The following TNXB variants were observed in gnomAD, a reference collection of about 807,000 sequenced individuals.
TNXB encodes the protein tenascin XB.
TNXB carries 183 observed loss-of-function variants against 340.5 expected under a neutral mutation model. That is an observed-to-expected ratio of 0.54 (90% confidence interval 0.48 to 0.61). The LOEUF (loss-of-function observed/expected upper bound fraction) is 0.61. TNXB is among the 20% of genes least tolerant of loss of function. The pLI is 0.00. For missense variants in TNXB, 4,613 were observed against 5,446.4 expected (o/e 0.85, Z 4.82); for synonymous variants, 2,121 against 2,314.5 (o/e 0.92, Z 2.40).
rs779277019 is a variant in TNXB, at chr6:32,068,646, A to C, written c.5964T>G (p.Pro1988=). The part of the protein sequence containing the change: ...PTATPEPPIK[P]RLGELTVTDA... The stretch of plus-strand genomic sequence containing the variant: ...CTGTCACGGTCAGCTCCCCCAGGCG[A>C]GGCTTGATGGGGGGCTCGGGGGTTG... The change falls in exon 17 of 44, where the codon CCT becomes CCG. Residue 1988 remains proline, a synonymous_variant. Coordinates refer to ENST00000644971, the MANE Select transcript of TNXB (RefSeq NM_001365276.2). The surrounding 1 kb of genome is among the most constrained non-coding windows in gnomAD (Gnocchi z 5.3). 36 of 1,613,564 alleles carry C rather than the reference A, an allele frequency of 2.2e-5. No individual in the cohort carries two copies.
In TNXB at chr6:32,064,724, G is replaced by A; in HGVS notation, c.6841+97C>T. 2.0e-6 allele frequency: 3 copies of A among 1,481,790 alleles called. No individual in the cohort carries two copies. Among genetic ancestry groups the A allele is most frequent in the Non-Finnish European group, 2.7e-6 (3 of 1,112,944 alleles). 91.8% of individuals were successfully genotyped at this position (1,481,790 alleles called of 1,614,324 possible). On this transcript the variant is annotated intron_variant, in intron 19 of 43. Transcript: ENST00000644971. The surrounding 1 kb of genome is among the most constrained non-coding windows in gnomAD (Gnocchi z 5.3). ...CATTCCCAGGAGCTTGGGAGGCTTG[G>A]TCTCAGGGAAAGTAAAATAAAGCCA...
At position 32,096,566 on chromosome 6, in the gene TNXB, A is replaced by G. The variant is rs1450233420; in HGVS notation, c.1287T>C (p.Asp429=). The change falls in exon 3 of 44, where the codon GAT becomes GAC. Residue 429 remains aspartate, a synonymous_variant. Coordinates refer to ENST00000644971, the MANE Select transcript of TNXB (RefSeq NM_001365276.2). ...CVCWPGYTGT[D]CGSRACPRDC... is the part of the protein sequence containing the mutation. ...CGCGTGGGCAGGCGCGCGAGCCGCA[A>G]TCGGTTCCAGTGTACCCCGGCCAGC... 10 of 1,551,794 alleles carry G rather than the reference A, an allele frequency of 6.4e-6. No individual in the cohort carries two copies. The African/African-American group carries it at 1.0e-4, about 16-fold the overall frequency.
In TNXB at chr6:32,049,644, A is replaced by T; in HGVS notation, c.9440-57T>A. ...GGGGATGTCCTTGGGTCCTGGGGAAAAGGAGGGAGAAGCCAAGGCTATGAC... is the reference window on the plus strand; with the variant it reads ...GGGGATGTCCTTGGGTCCTGGGGAATAGGAGGGAGAAGCCAAGGCTATGAC... On this transcript the variant is annotated intron_variant, in intron 27 of 43. Transcript: ENST00000644971. This position sits in a 1 kb window ranked among gnomAD's most constrained non-coding sequence, Gnocchi z 4.5. 6.4e-7 allele frequency: 1 copy of T among 1,553,236 alleles called. No homozygotes were observed. The highest frequency in any genetic ancestry group is 8.7e-7 in the Non-Finnish European group (1 of 1,144,938).
At position 32,046,526 on chromosome 6, in the gene TNXB, A is replaced by C; in HGVS notation, c.10325-70T>G. ...TGCCTAAGCCCTGGCAGCCTCCCGG[A>C]GGTGTGAGGTTCTGGGAAATGGTCC... On this transcript the variant is annotated intron_variant, in intron 30 of 43. Transcript: ENST00000644971. This position sits in a 1 kb window ranked among gnomAD's most constrained non-coding sequence, Gnocchi z 6.9. 7.2e-7 allele frequency: 1 copy of C among 1,392,104 alleles called. No individual in the cohort carries two copies. Among genetic ancestry groups the C allele is most frequent in the Non-Finnish European group, 9.5e-7 (1 of 1,047,972 alleles). 86.2% of individuals were successfully genotyped at this position (1,392,104 alleles called of 1,614,324 possible).
Position 32,056,028 on chromosome 6 carries a change from C to A in TNXB, c.8290G>T (p.Asp2764Tyr). 5.6e-6 allele frequency: 9 copies of A among 1,613,054 alleles called. No individual in the cohort carries two copies. Among genetic ancestry groups the A allele is most frequent in the Non-Finnish European group, 7.6e-6 (9 of 1,179,880 alleles). Reference protein sequence around the residue: ...LSWTIPQGHFDSFTVQYKDRD... With the variant: ...LSWTIPQGHFYSFTVQYKDRD... Reference sequence around the variant, plus strand: ...TCCTTGTACTGCACGGTGAAGGAGTCGAAGTGGCCCTGGGGGATGGTCCAG... The same window carrying A: ...TCCTTGTACTGCACGGTGAAGGAGTAGAAGTGGCCCTGGGGGATGGTCCAG... The change falls in exon 24 of 44, where the codon GAC becomes TAC. Residue 2764 changes from aspartate to tyrosine, a missense_variant. This residue lies in a region of TNXB where 4,327 missense variants were observed against 4,859.4 expected (regional missense o/e 0.89). Coordinates refer to ENST00000644971, the MANE Select transcript of TNXB (RefSeq NM_001365276.2).
intron 18 of TNXB, 45 bp from the exon 19 acceptor site, chr6:32,065,162 G>T: frequency 6.7e-7 from 1 of 1,482,184 alleles, no homozygotes; most frequent in Non-Finnish European, 9.0e-7. Context: ...CTGCAAGGAG[G>T]TGTTGAGGCC....
chr6:32,082,117 G>C lies in TNXB; in HGVS notation c.3655C>G (p.Pro1219Ala). The C allele has an allele frequency of 6.2e-7, 1 of 1,611,292 alleles. No homozygotes were observed. Among genetic ancestry groups the C allele is most frequent in the Non-Finnish European group, 8.5e-7 (1 of 1,179,048 alleles). Residue 1219 changes from proline to alanine, a missense_variant, in exon 9 of 44, where the codon CCT becomes GCT. This residue lies in a region of TNXB where 4,327 missense variants were observed against 4,859.4 expected (regional missense o/e 0.89). Transcript: ENST00000644971. The surrounding 1 kb of genome is among the most constrained non-coding windows in gnomAD (Gnocchi z 5.0). Reference protein sequence around the residue: ...ERSFVVSSLDPDHKYRFTLFG... With the variant: ...ERSFVVSSLDADHKYRFTLFG... ...AGAGTGAATCTGTACTTGTGGTCAG[G>C]GTCCAGTGAGGAGACAACAAATGAA... is the stretch of plus-strand genomic sequence containing the variant.
intron 4 of TNXB, among the ~76,000 whole-genome samples, chr6:32,091,962 C>T (rs923712059): frequency 5.9e-5 from 9 of 152,226 alleles, no homozygotes; most frequent in African/African-American, 2.2e-4. Context: ...CTTAGCCTAG[C>T]CCTGATTTCC....
At position 32,041,468 on chromosome 6, in the gene TNXB, AAG is replaced by A. The variant is rs529347972; in HGVS notation, c.12634-20_12634-19del. Reference sequence around the variant, plus strand: ...CTCACTCCCTGGGAAAGGGGTTGTCAAGAGAGAGTCAAAGCCGGATGTCCCAT... The same window carrying A: ...CTCACTCCCTGGGAAAGGGGTTGTCAAGAGAGTCAAAGCCGGATGTCCCAT... On this transcript the variant is annotated intron_variant, in intron 43 of 43. Transcript: ENST00000644971. The A allele has an allele frequency of 1.4e-4, 148 of 1,053,114 alleles. 2 individuals carry two copies. In the South Asian group the frequency reaches 1.8e-3, roughly 13 times the overall value. 65.2% of individuals were successfully genotyped at this position (1,053,114 alleles called of 1,614,324 possible).
chr6:32,050,171 T>A lies in TNXB; in HGVS notation c.9266A>T (p.His3089Leu), dbSNP rs1777186493. The A allele has an allele frequency of 6.2e-7, 1 of 1,613,692 alleles. No individual in the cohort carries two copies. The highest frequency in any genetic ancestry group is 1.1e-5 in the South Asian group (1 of 91,088). ...SWMVPEGQFD[H>L]FLVQYRNGDG... is the part of the protein sequence containing the mutation. ...CCCATTCCTGTACTGGACCAGGAAG[T>A]GGTCAAACTGGCCCTCGGGAACCAT... The change falls in exon 27 of 44, where the codon CAC becomes CTC. Residue 3089 changes from histidine (H) to leucine (L), a missense_variant. Around this residue, in one of 7 missense-constraint regions of TNXB, gnomAD observed 4,327 missense variants for 4,859.4 expected, o/e 0.89. Coordinates refer to ENST00000644971, the MANE Select transcript of TNXB (RefSeq NM_001365276.2).
At chr6:32,063,343 G>A (rs1026541132) in intron 19 of TNXB, among the ~76,000 whole-genome samples, 15 of 151,528 alleles carry the variant, frequency 9.9e-5, no homozygotes, top group Admixed American at 3.3e-4. Flanking sequence ...AGCTGAGATC[G>A]CACCACGGCA....
At position 32,061,841 on chromosome 6, in the gene TNXB, G is replaced by A; in HGVS notation, c.7169-121C>T. On this transcript the variant is annotated intron_variant, in intron 20 of 43. Transcript: ENST00000644971. The surrounding 1 kb of genome is among the most constrained non-coding windows in gnomAD (Gnocchi z 4.4). The stretch of plus-strand genomic sequence containing the variant: ...ATGAAATAGCCAAGGCTATGACTAG[G>A]GGACCTGAGGTCAGTTCAGAGAGGC... 7.4e-7 allele frequency: 1 copy of A among 1,358,736 alleles called. No individual in the cohort carries two copies. The highest frequency in any genetic ancestry group is 9.9e-7 in the Non-Finnish European group (1 of 1,009,378). The allele number at this position is 1,358,736 out of a possible 1,614,324, so 84.2% of individuals were successfully genotyped here. A position where few individuals can be genotyped will look rare whatever the true frequency, so the allele number is the denominator to read the frequency against.
At position 32,053,490 on chromosome 6, in the gene TNXB, C is replaced by T; in HGVS notation, c.8689G>A (p.Val2897Ile). The T allele has an allele frequency of 6.2e-7, 1 of 1,613,446 alleles. No homozygotes were observed. The highest frequency in any genetic ancestry group is 1.1e-5 in the South Asian group (1 of 91,074). ...TCTGGCTCCAGGCCTGAGATGGTGA[C>T]CCCGTCCTCGTGCCCCGGCACCCGC... ...VVRVPGHEDG[V>I]TISGLEPDHK... The change falls in exon 25 of 44, where the codon GTC (valine) becomes ATC (isoleucine). Residue 2897 changes from valine (V) to isoleucine (I), a missense_variant. Physicochemically the swap from Val to Ile is conservative, Grantham distance 29 (BLOSUM62 3). Coordinates refer to ENST00000644971, the MANE Select transcript of TNXB (RefSeq NM_001365276.2).
At position 32,061,694 on chromosome 6, in the gene TNXB, T is replaced by C. The variant is rs1170122235; in HGVS notation, c.7195A>G (p.Thr2399Ala). Residue 2399 changes from threonine to alanine, a missense_variant, in exon 21 of 44, where the codon ACA (threonine) becomes GCA (alanine). Physicochemically the swap from Thr to Ala is moderately conservative, Grantham distance 58 (BLOSUM62 0). Transcript: ENST00000644971. The surrounding 1 kb of genome is among the most constrained non-coding windows in gnomAD (Gnocchi z 4.4). The stretch of plus-strand genomic sequence containing the variant: ...TCCGGGGCCTCCATGCTGGGTTCTG[T>C]GGGGCTGGGGGTCTCTTCCTCTGCA... ...TAAEEETPSP[T>A]EPSMEAPEPP... The C allele has an allele frequency of 6.2e-7, 1 of 1,611,566 alleles. No homozygotes were observed. The highest frequency in any genetic ancestry group is 8.5e-7 in the Non-Finnish European group (1 of 1,179,208).
Position 32,068,559 on chromosome 6 carries a change from G to C in TNXB, c.6051C>G (p.Phe2017Leu). Residue 2017 changes from phenylalanine to leucine, a missense_variant, in exon 17 of 44, where the codon TTC becomes TTG. Transcript: ENST00000644971. The surrounding 1 kb of genome is among the most constrained non-coding windows in gnomAD (Gnocchi z 5.3). ...CATCTCCATTCCTGTACTGGACCAG[G>C]AAGTGGTCAAACTGTCCCTCGGGAA... ...WTVPEGQFDHFLVQYRNGDGQ... is the reference protein window; with the variant it reads ...WTVPEGQFDHLLVQYRNGDGQ... The C allele has an allele frequency of 6.2e-7, 1 of 1,613,992 alleles. No homozygotes were observed. Among genetic ancestry groups the C allele is most frequent in the African/African-American group, 1.3e-5 (1 of 75,062 alleles).
intron 11 of TNXB, among the ~76,000 whole-genome samples, chr6:32,078,273 C>G (rs190401457): frequency 1.3e-5 from 2 of 151,478 alleles, no homozygotes; most frequent in Admixed American, 6.6e-5. Context: ...CACGGTGAAC[C>G]CCGTCTCTAC....
intron 23 of TNXB, 82 bp downstream of exon 23, chr6:32,056,504 C>T: frequency 6.4e-7 from 1 of 1,554,442 alleles, no homozygotes; most frequent in Non-Finnish European, 8.7e-7. Flanking sequence ...GACCCCTGGC[C>T]CATTCCCCAC....
rs775911685 is a variant in TNXB at position 32,049,623 on chromosome 6, A to G, written c.9440-36T>C. The G allele has an allele frequency of 3.0e-5, 48 of 1,593,008 alleles. No homozygotes were observed. Among genetic ancestry groups the G allele is most frequent in the Non-Finnish European group, 4.1e-5 (48 of 1,167,022 alleles). On this transcript the variant is annotated intron_variant, in intron 27 of 43. Coordinates refer to ENST00000644971, the MANE Select transcript of TNXB (RefSeq NM_001365276.2). This position sits in a 1 kb window ranked among gnomAD's most constrained non-coding sequence, Gnocchi z 4.5. ...GAAGGAGGGAGAGAGAGTGAGGGGG[A>G]TGTCCTTGGGTCCTGGGGAAAAGGA...
In TNXB at chr6:32,047,950, A is replaced by T; in HGVS notation, c.10108T>A (p.Ser3370Thr). 6.2e-7 allele frequency: 1 copy of T among 1,612,142 alleles called. No individual in the cohort carries two copies. Among genetic ancestry groups the T allele is most frequent in the Non-Finnish European group, 8.5e-7 (1 of 1,179,508 alleles). ...GGGACCGTCCACGAGAGGCCCACGGAGTCAGGGGTCGCATCTGTCACAGTC... is the reference window on the plus strand; with the variant it reads ...GGGACCGTCCACGAGAGGCCCACGGTGTCAGGGGTCGCATCTGTCACAGTC... The part of the protein sequence containing the change: ...ELTVTDATPD[S>T]VGLSWTVPEG... The change falls in exon 30 of 44, where the codon TCC becomes ACC. Residue 3370 changes from serine (S) to threonine (T), a missense_variant. Physicochemically the swap from Ser to Thr is moderately conservative, Grantham distance 58 (BLOSUM62 1). Transcript: ENST00000644971. The surrounding 1 kb of genome is among the most constrained non-coding windows in gnomAD (Gnocchi z 6.2).
Sources: allele counts gnomAD v4.1 joint callset (sites outside exome capture counted in the v4.1 genomes callset), GRCh38; gene constraint gnomAD v4.1.1; regional missense constraint gnomAD v4.1.1; non-coding constraint Gnocchi (gnomAD v3.1); transcripts MANE v1.5; gene names NCBI Gene and HGNC (gene_info 2026-07-23, HGNC 2026-07-21).